REDIC1: variants seen among roughly 807,000 people sequenced by gnomAD.
REDIC1 encodes HEI10 Interacting Protein 1.
chr12:39,700,727 CAG>C, the REDIC1 span, among the ~76,000 whole-genome samples: 4 of 150,788 alleles, frequency 2.7e-5, no homozygotes, highest in Non-Finnish European at 6.0e-5. Context: ...ATCAGACTAA[CAG>C]TGGATCTCTC....
chr12:39,807,307 A>C, the REDIC1 span, among the ~76,000 whole-genome samples: 1 of 152,172 alleles, frequency 6.6e-6, no homozygotes, highest in African/African-American at 2.4e-5. Flanking sequence ...ACAAGCCTAC[A>C]TATGATAACA....
At chr12:39,713,083 G>T in the REDIC1 span, among the ~76,000 whole-genome samples, 1 of 148,220 alleles carries the variant, frequency 6.7e-6, no homozygotes, top group Non-Finnish European at 1.5e-5. Context: ...GTGCATACGT[G>T]TATGTGTAGA....
At chr12:39,858,371 A>C in the REDIC1 span, among the ~76,000 whole-genome samples, 38 of 152,338 alleles carry the variant, frequency 2.5e-4, no homozygotes, top group African/African-American at 8.9e-4. Context: ...CATTATTAAT[A>C]GTAACCTCAT....
At chr12:39,776,426 T>C in the REDIC1 span, among the ~76,000 whole-genome samples, 2 of 152,326 alleles carry the variant, frequency 1.3e-5, no homozygotes, top group South Asian at 4.1e-4. Context: ...GCCTGCCCAG[T>C]GCCCTAGGAA....
chr12:39,863,489 C>A, the REDIC1 span, among the ~76,000 whole-genome samples: 1 of 152,036 alleles, frequency 6.6e-6, no homozygotes, highest in African/African-American at 2.4e-5. Flanking sequence ...GGAGAATATT[C>A]TATGATTCTC....
At chr12:39,878,279 C>T in the REDIC1 span, among the ~76,000 whole-genome samples, 3 of 152,158 alleles carry the variant, frequency 2.0e-5, no homozygotes, top group Non-Finnish European at 4.4e-5. Context: ...GTGACGTTGG[C>T]ACTGTGTAAT....
the REDIC1 span, among the ~76,000 whole-genome samples, chr12:39,794,532 G>A: frequency 2.6e-5 from 4 of 152,132 alleles, no homozygotes; most frequent in Non-Finnish European, 4.4e-5. Flanking sequence ...TCAGCCAATC[G>A]CAGTAGCCAA....
chr12:39,748,486 C>A, the REDIC1 span, among the ~76,000 whole-genome samples: 3 of 152,112 alleles, frequency 2.0e-5, no homozygotes, highest in Non-Finnish European at 4.4e-5. Context: ...GTTTAACACC[C>A]CACTGTCAAC....
the REDIC1 span, among the ~76,000 whole-genome samples, chr12:39,854,338 A>C: frequency 6.6e-6 from 1 of 152,152 alleles, no homozygotes; most frequent in Admixed American, 6.6e-5. Flanking sequence ...ATATTGTAAG[A>C]GCTTAGTTAA....
chr12:39,646,760 A>C, the REDIC1 span: 2 of 917,444 alleles, frequency 2.2e-6, no homozygotes, highest in Non-Finnish European at 3.3e-6. Context: ...TGTGTAGAAC[A>C]GTATGAATTT....
At chr12:39,716,688 G>A in the REDIC1 span, 9 of 1,137,154 alleles carry the variant, frequency 7.9e-6, no homozygotes, top group Non-Finnish European at 1.1e-5. Flanking sequence ...GATATCTTCT[G>A]CCTGGCATAT....
chr12:39,704,995 T>C, the REDIC1 span, among the ~76,000 whole-genome samples: 384 of 151,972 alleles, frequency 2.5e-3, 1 homozygote, highest in African/African-American at 8.4e-3. Context: ...GTGGGTGCAG[T>C]GCACCAACAT....
the REDIC1 span, among the ~76,000 whole-genome samples, chr12:39,708,784 G>A: frequency 1.3e-5 from 2 of 151,582 alleles, no homozygotes; most frequent in East Asian, 1.9e-4. Context: ...TTTTATAAAT[G>A]TTTAATTTCT....
chr12:39,859,783 C>T, the REDIC1 span, among the ~76,000 whole-genome samples: 1 of 152,112 alleles, frequency 6.6e-6, no homozygotes, highest in Non-Finnish European at 1.5e-5. Flanking sequence ...GACTTGGCCT[C>T]CCAAAGTGCT....
At chr12:39,748,282 T>C in the REDIC1 span, among the ~76,000 whole-genome samples, 1 of 152,100 alleles carries the variant, frequency 6.6e-6, no homozygotes, top group Non-Finnish European at 1.5e-5. Context: ...TCCTAGTCTC[T>C]GATAAAACAC....
chr12:39,692,136 T>A, the REDIC1 span: 5 of 1,473,900 alleles, frequency 3.4e-6, no homozygotes, highest in Non-Finnish European at 4.6e-6. Context: ...TATAAGTTAA[T>A]TTTACTCTAT....
At chr12:39,896,180 ATAT>A in the REDIC1 span, among the ~76,000 whole-genome samples, 1 of 148,680 alleles carries the variant, frequency 6.7e-6, no homozygotes, top group Admixed American at 6.7e-5. Flanking sequence ...ATGAATATGT[ATAT>A]ATGTATATAT....
At chr12:39,872,105 A>AATTCAT in the REDIC1 span, 8 of 619,664 alleles carry the variant, frequency 1.3e-5, no homozygotes, top group Non-Finnish European at 2.0e-5. Flanking sequence ...AATTCATGCA[A>AATTCAT]GCTGTTGAAA....
the REDIC1 span, among the ~76,000 whole-genome samples, chr12:39,789,651 A>G: frequency 1.2e-4 from 18 of 152,308 alleles, no homozygotes; most frequent in East Asian, 2.3e-3. Flanking sequence ...AGTTGAAACC[A>G]TTAAGATTCT....
Sources: allele counts gnomAD v4.1 joint callset (sites outside exome capture counted in the v4.1 genomes callset), GRCh38; gene constraint gnomAD v4.1.1; transcripts MANE v1.5; gene names NCBI Gene and HGNC (gene_info 2026-07-23, HGNC 2026-07-21).